The following RFWD3 variants were observed in gnomAD, a reference collection of about 807,000 sequenced individuals.
The protein encoded by RFWD3 is ring finger and WD repeat domain 3, also known as E3 ubiquitin-protein ligase RFWD3.
In RFWD3, 65 loss-of-function variants were observed where a neutral mutation model predicts 87.7. The observed-to-expected ratio is 0.74, with a 90% CI of 0.61 to 0.91. RFWD3 has a LOEUF of 0.91. RFWD3 is among the 40% of genes least tolerant of loss of function. The pLI is 0.00. For synonymous variants in RFWD3, 433 were observed against 352.8 expected (o/e 1.23, Z -2.55); for missense variants, 1,078 against 938.5 (o/e 1.15, Z -1.94).
intron 10 of RFWD3, among the ~76,000 whole-genome samples, chr16:74,629,788 T>C (rs1959036838): frequency 6.6e-6 from 1 of 152,192 alleles, no homozygotes; most frequent in African/African-American, 2.4e-5. Flanking sequence ...ATATATCCAG[T>C]TGGAAACATA....
chr16:74,631,490 A>G (rs1046604543), intron 9 of RFWD3, among the ~76,000 whole-genome samples: 1 of 145,798 alleles, frequency 6.9e-6, no homozygotes, highest in African/African-American at 2.5e-5. Context: ...AAAATAAATA[A>G]ATAATAACCC....
chr16:74,661,735 G>A (rs1418318305), intron 1 of RFWD3, among the ~76,000 whole-genome samples: 1 of 152,154 alleles, frequency 6.6e-6, no homozygotes, highest in African/African-American at 2.4e-5. Context: ...ATAAACCAAG[G>A]AGATTAAACT....
intron 3 of RFWD3, among the ~76,000 whole-genome samples, chr16:74,650,905 A>C (rs1168535853): frequency 6.6e-6 from 1 of 152,010 alleles, no homozygotes; most frequent in Non-Finnish European, 1.5e-5. Context: ...AAAAAACAAC[A>C]AAAAAACCCA....
chr16:74,665,983 C>A (rs1027896180), intron 1 of RFWD3, among the ~76,000 whole-genome samples: 2 of 152,138 alleles, frequency 1.3e-5, no homozygotes, highest in East Asian at 1.9e-4. Context: ...CAGGCCTGAG[C>A]CACCGCTTTT....
chr16:74,651,907 G>C lies in RFWD3; in HGVS notation c.721+13C>G. 1.2e-6 allele frequency: 2 copies of C among 1,613,000 alleles called. No homozygotes were observed. Among genetic ancestry groups the C allele is most frequent in the South Asian group, 1.1e-5 (1 of 91,008 alleles). On this transcript the variant is annotated intron_variant, in intron 3 of 12. Transcript: ENST00000361070. The stretch of plus-strand genomic sequence containing the variant: ...GTTAGCCTTGTGAGTCCAAACCTGG[G>C]TAAAATACTGACCTTCTAAAATGAC...
At chr16:74,628,388 C>A in intron 11 of RFWD3, 64 bp downstream of exon 11, 1 of 1,489,428 alleles carries the variant, frequency 6.7e-7, no homozygotes, top group Non-Finnish European at 9.3e-7. Flanking sequence ...GGATCAAACC[C>A]TCCTTCCCTT....
At chr16:74,664,990 G>C (rs774419356) in intron 1 of RFWD3, among the ~76,000 whole-genome samples, 1 of 152,204 alleles carries the variant, frequency 6.6e-6, no homozygotes, top group Non-Finnish European at 1.5e-5. Flanking sequence ...AAACCTTGAG[G>C]ATGTCACACA....
At position 74,644,739 on chromosome 16, in the gene RFWD3, G is replaced by C. The variant is rs1567577505; in HGVS notation, c.793-4C>G. ...GCTCAGACTTCTGGGGAGATGGCTA[G>C]ATGGAAAGCAGAATATATTCAAATT... On this transcript the variant is annotated splice_polypyrimidine_tract_variant and splice_region_variant and intron_variant, in intron 4 of 12. Coordinates refer to ENST00000361070, the MANE Select transcript of RFWD3 (RefSeq NM_018124.4). 1 of 1,604,584 alleles carries C rather than the reference G, an allele frequency of 6.2e-7. No individual in the cohort carries two copies.
chr16:74,665,756 C>CTT (rs916185187), intron 1 of RFWD3, among the ~76,000 whole-genome samples: 3 of 147,294 alleles, frequency 2.0e-5, no homozygotes, highest in African/African-American at 5.3e-5. Flanking sequence ...TTCTTTCTTT[C>CTT]TTTTTTTGAG....
chr16:74,638,053 C>T (rs1959303894), intron 6 of RFWD3, 83 bp from the exon 7 acceptor site: 1 of 780,834 alleles, frequency 1.3e-6, no homozygotes, highest in Non-Finnish European at 2.2e-6. Context: ...TAAGTTCATG[C>T]TATGATGCAC....
chr16:74,625,206 A>G (rs1958893732), intron 12 of RFWD3, among the ~76,000 whole-genome samples: 1 of 150,312 alleles, frequency 6.7e-6, no homozygotes, highest in South Asian at 2.1e-4. Context: ...TCTCAAAAAA[A>G]AAAAAAAGTA....
In RFWD3 at chr16:74,637,885, T is replaced by C. The variant is rs779126903; in HGVS notation, c.1165A>G (p.Lys389Glu). The C allele has an allele frequency of 8.1e-6, 13 of 1,612,128 alleles. No homozygotes were observed. The highest frequency in any genetic ancestry group is 1.1e-5 in the Non-Finnish European group (13 of 1,179,222). The change falls in exon 7 of 13, where the codon AAG becomes GAG. Residue 389 changes from lysine to glutamate, a missense_variant. Lys to Glu is a moderately conservative substitution (Grantham distance 56). Transcript: ENST00000361070. ...CRLQLQVLTD[K>E]CTRLQRRVQD... ...ACACGCCTTTGAAGCCTAGTGCACTTATCAGTGAGGACCTGCAGTTGGAGT... is the reference window on the plus strand; with the variant it reads ...ACACGCCTTTGAAGCCTAGTGCACTCATCAGTGAGGACCTGCAGTTGGAGT...
At chr16:74,639,270 T>C (rs1959428809) in intron 6 of RFWD3, among the ~76,000 whole-genome samples, 1 of 152,176 alleles carries the variant, frequency 6.6e-6, no homozygotes, top group Non-Finnish European at 1.5e-5. Flanking sequence ...ACTCCTGGCC[T>C]CAAGTGATCC....
chr16:74,647,098 A>G (rs1397253911), intron 4 of RFWD3, among the ~76,000 whole-genome samples: 1 of 152,102 alleles, frequency 6.6e-6, no homozygotes, highest in East Asian at 1.9e-4. Context: ...AAAAAAAAAA[A>G]GATTCAATTT....
chr16:74,660,854 A>C, intron 2 of RFWD3, 78 bp downstream of exon 2: 1 of 1,489,148 alleles, frequency 6.7e-7, no homozygotes, highest in East Asian at 2.3e-5. Context: ...TCACACTGTC[A>C]GTCCTTGAAT....
Position 74,632,536 on chromosome 16 carries a change from T to C in RFWD3, c.1564A>G (p.Ile522Val), listed in dbSNP as rs1424338946. Residue 522 changes from isoleucine to valine, a missense_variant, in exon 9 of 13, where the codon ATT (isoleucine) becomes GTT (valine). Transcript: ENST00000361070. ...LLLSASLDNT[I>V]KLTSLETNTV... ...CAAATCACTCACCTGGTCAGTTTAA[T>C]AGTGTTGTCTAGGGAAGCAGAGAGT... 6.8e-6 allele frequency: 11 copies of C among 1,613,950 alleles called. No homozygotes were observed. The highest frequency in any genetic ancestry group is 2.2e-5 in the South Asian group (2 of 91,064).
At chr16:74,649,624 T>A (rs1292969196) in intron 3 of RFWD3, among the ~76,000 whole-genome samples, 1 of 152,202 alleles carries the variant, frequency 6.6e-6, no homozygotes, top group East Asian at 1.9e-4. Context: ...GTAATTATTA[T>A]ACCTAACAAT....
At chr16:74,645,423 T>C (rs1183878803) in intron 4 of RFWD3, among the ~76,000 whole-genome samples, 2 of 152,248 alleles carry the variant, frequency 1.3e-5, no homozygotes, top group South Asian at 2.1e-4. Context: ...GATTTCGTCA[T>C]TGAATGATCC....
chr16:74,644,243 A>G, intron 6 of RFWD3, 119 bp downstream of exon 6: 1 of 893,492 alleles, frequency 1.1e-6, no homozygotes, highest in Non-Finnish European at 1.9e-6. Context: ...TGATCCCCAG[A>G]GATCCCAAGT....
Sources: gnomAD v4.1 joint callset for allele counts (sites outside exome capture counted in the v4.1 genomes callset) on GRCh38, gnomAD v4.1.1 for gene constraint, MANE v1.5 for transcripts, NCBI Gene and HGNC (gene_info 2026-07-23, HGNC 2026-07-21) for gene names.